The following COL9A2 variants were observed in gnomAD, a reference collection of about 807,000 sequenced individuals.
The protein encoded by COL9A2 is collagen alpha-2(IX) chain.
A neutral mutation model predicts 111.6 loss-of-function variants in COL9A2; 66 were observed. That is an observed-to-expected ratio of 0.59 (90% CI 0.48 to 0.73). The LOEUF is 0.73. Among genes scored for constraint, COL9A2 ranks in the 30% least tolerant of loss-of-function variants. The pLI, the probability that COL9A2 is intolerant of heterozygous loss-of-function variation, is 0.00. For synonymous variants in COL9A2, 353 were observed against 364.1 expected, an observed-to-expected ratio of 0.97 and a Z score of 0.35; for missense variants, 881 against 954.1, an observed-to-expected ratio of 0.92 and a Z score of 1.01.
rs1408500897 is a variant in COL9A2 at position 40,306,125 on chromosome 1, A to G, written c.1053+18T>C. ...GACTTCCTTGCTCAATTCTGTCCCC[A>G]GCTTGGGATCGCCTCACCTGGTCTC... is the stretch of plus-strand genomic sequence containing the variant. On this transcript the variant is annotated intron_variant, in intron 20 of 31. Transcript: ENST00000372748. The G allele has an allele frequency of 6.2e-6, 10 of 1,614,010 alleles. No homozygotes were observed. The highest frequency in any genetic ancestry group is 7.6e-6 in the Non-Finnish European group (9 of 1,179,942).
intron 24 of COL9A2, 36 bp downstream of exon 24, chr1:40,304,283 GC>G (rs2124052673): frequency 6.5e-7 from 1 of 1,549,702 alleles, no homozygotes; most frequent in South Asian, 1.2e-5. Flanking sequence ...CTGTTATAGG[GC>G]CCCTTTCCCA....
intron 16 of COL9A2, 60 bp from the exon 17 acceptor site, chr1:40,308,305 A>G: frequency 6.5e-7 from 1 of 1,550,230 alleles, no homozygotes; most frequent in South Asian, 1.2e-5. Context: ...CTGGCTGTGC[A>G]GAGAGGGGAA....
Position 40,311,597 on chromosome 1 carries a change from G to A in COL9A2, c.472-50C>T. On this transcript the variant is annotated intron_variant, in intron 9 of 31. Transcript: ENST00000372748. The surrounding 1 kb of genome is among the most constrained non-coding windows in gnomAD (Gnocchi z 5.1). ...CTTGGCCTGACCCTTTCCCGCCGCA[G>A]GCTTGCTCAAAGACCCTTCTCCTTC... 6.2e-7 allele frequency: 1 copy of A among 1,613,868 alleles called. No homozygotes were observed. The highest frequency in any genetic ancestry group is 8.5e-7 in the Non-Finnish European group (1 of 1,179,840).
chr1:40,303,536 G>A lies in COL9A2; in HGVS notation c.1542C>T (p.Gly514=), dbSNP rs372237097. The A allele has an allele frequency of 3.1e-6, 5 of 1,612,552 alleles. No homozygotes were observed. In the South Asian group the frequency reaches 4.4e-5, roughly 14 times the overall value. ...RGVPGQPGRQ[G]VEGRDATDQH... The stretch of plus-strand genomic sequence containing the variant: ...ACCCCGGGGCCCGACTCACCTCCAC[G>A]CCCTGTCTCCCGGGCTGTCCTGGCA... The change falls in exon 28 of 32, where the codon GGC becomes GGT. Residue 514 remains glycine (G), a synonymous_variant. Coordinates refer to ENST00000372748, the MANE Select transcript of COL9A2 (RefSeq NM_001852.4). This position sits in a 1 kb window ranked among gnomAD's most constrained non-coding sequence, Gnocchi z 4.6.
rs1644044755 is a variant in COL9A2 at position 40,307,314 on chromosome 1, C to A, written c.1008+132G>T. On this transcript the variant is annotated intron_variant, in intron 19 of 31. Transcript: ENST00000372748. The surrounding 1 kb of genome is among the most constrained non-coding windows in gnomAD (Gnocchi z 4.8). Reference sequence around the variant, plus strand: ...AATTGTCCAAGTAATGAAGCCTTCGCCAGGCCAGGGGCCACAGAGTTGGTA... The same window carrying A: ...AATTGTCCAAGTAATGAAGCCTTCGACAGGCCAGGGGCCACAGAGTTGGTA... 1 of 882,758 alleles carries A rather than the reference C, an allele frequency of 1.1e-6. No homozygotes were observed. Among genetic ancestry groups the A allele is most frequent in the African/African-American group, 1.7e-5 (1 of 59,968 alleles). 54.7% of individuals were successfully genotyped at this position (882,758 alleles called of 1,614,324 possible). A position where few individuals can be genotyped will look rare whatever the true frequency, so the allele number is the denominator to read the frequency against.
In COL9A2 at chr1:40,312,705, C is replaced by G. The variant is rs1983658; in HGVS notation, c.303+26G>C. 2.8e-4 allele frequency: 441 copies of G among 1,567,286 alleles called. 3 individuals are homozygous for G. In the Admixed American group the frequency reaches 7.9e-3, roughly 28 times the overall value. On this transcript the variant is annotated intron_variant, in intron 5 of 31. Coordinates refer to ENST00000372748, the MANE Select transcript of COL9A2 (RefSeq NM_001852.4). This position sits in a 1 kb window ranked among gnomAD's most constrained non-coding sequence, Gnocchi z 6.0. ...CCAAACGCTGGCCCTAGATTGCCCA[C>G]GCTGAGGCCCCAGCAGGCCCCTTAC...
In COL9A2 at chr1:40,312,031, C is replaced by G; in HGVS notation, c.417+28G>C. 1 of 1,591,250 alleles carries G rather than the reference C, an allele frequency of 6.3e-7. No homozygotes were observed. Among genetic ancestry groups the G allele is most frequent in the Non-Finnish European group, 8.5e-7 (1 of 1,169,940 alleles). On this transcript the variant is annotated intron_variant, in intron 8 of 31. Coordinates refer to ENST00000372748, the MANE Select transcript of COL9A2 (RefSeq NM_001852.4). The surrounding 1 kb of genome is among the most constrained non-coding windows in gnomAD (Gnocchi z 6.0). The stretch of plus-strand genomic sequence containing the variant: ...CAGCTTGGAGATAGAAGGCAGGAGG[C>G]AGTGAACAGAGGGTGGCTGAGGCTC...
At chr1:40,306,364 G>A (rs1325579577) in intron 19 of COL9A2, among the ~76,000 whole-genome samples, 177 bp from the exon 20 acceptor site, 4 of 152,208 alleles carry the variant, frequency 2.6e-5, no homozygotes, top group African/African-American at 9.7e-5. Context: ...GCAGAGGAGT[G>A]GGGCACAGAG....
intron 16 of COL9A2, 134 bp from the exon 17 acceptor site, chr1:40,308,379 C>T: frequency 1.1e-6 from 1 of 915,554 alleles, no homozygotes; most frequent in Non-Finnish European, 1.7e-6. Flanking sequence ...CATGCAGGGG[C>T]CGGAGGAGAG....
At chr1:40,313,555 G>A (rs945360170) in intron 4 of COL9A2, among the ~76,000 whole-genome samples, 1 of 152,204 alleles carries the variant, frequency 6.6e-6, no homozygotes, top group African/African-American at 2.4e-5. Flanking sequence ...AAGGCAATAT[G>A]CCTTGTAATC....
At position 40,308,213 on chromosome 1, in the gene COL9A2, G is replaced by A. The variant is rs371503621; in HGVS notation, c.879C>T (p.Ile293=). ...CTACCGTTGCTCCTTTCGGGCCTGT[G>A]ATCCCCTGGGGTCCACGAATACCTG... ...GSPGIRGPQG[I]TGPKGATGPP... is the part of the protein sequence containing the mutation. Residue 293 remains isoleucine (I), a synonymous_variant, in exon 17 of 32, where the codon ATC becomes ATT. Coordinates refer to ENST00000372748, the MANE Select transcript of COL9A2 (RefSeq NM_001852.4). 2 of 1,614,160 alleles carry A rather than the reference G, an allele frequency of 1.2e-6. No individual in the cohort carries two copies. Among genetic ancestry groups the A allele is most frequent in the Admixed American group, 1.7e-5 (1 of 60,016 alleles).
rs1297175971 is a variant in COL9A2 at position 40,303,957 on chromosome 1, C to T, written c.1339G>A (p.Ala447Thr). The T allele has an allele frequency of 6.4e-7, 1 of 1,562,730 alleles. No individual in the cohort carries two copies. The highest frequency in any genetic ancestry group is 2.4e-5 in the East Asian group (1 of 42,220). Residue 447 changes from alanine to threonine, a missense_variant, in exon 26 of 32, where the codon GCC becomes ACC. Transcript: ENST00000372748. The surrounding 1 kb of genome is among the most constrained non-coding windows in gnomAD (Gnocchi z 4.6). ...TCGCCTTTCTCTCCGGGGAGGCCGG[C>T]CACCCCTGGGTCACCCTGCAGAGAG... is the stretch of plus-strand genomic sequence containing the variant. The part of the protein sequence containing the change: ...PRGKVGDPGV[A>T]GLPGEKGEKG...
At chr1:40,305,066 T>C (rs1003141846) in intron 21 of COL9A2, 22 of 361,626 alleles carry the variant, frequency 6.1e-5, no homozygotes, top group Non-Finnish European at 7.8e-5. Context: ...TCTTTCTTTT[T>C]TTTTTTTTTT....
chr1:40,309,874 G>T (rs564927613), intron 16 of COL9A2, 64 bp downstream of exon 16: 1 of 1,529,916 alleles, frequency 6.5e-7, no homozygotes, highest in African/African-American at 1.4e-5. Context: ...GCCTTAGGGG[G>T]TGCCTTGTCC....
intron 31 of COL9A2, 125 bp from the exon 32 acceptor site, chr1:40,301,506 C>T (rs1408493315): frequency 1.2e-5 from 10 of 807,462 alleles, no homozygotes; most frequent in Non-Finnish European, 1.8e-5. Flanking sequence ...AGGACTCTGC[C>T]CCAGAGGCAG....
Position 40,303,966 on chromosome 1 carries a change from G to C in COL9A2, c.1330C>G (p.Pro444Ala). 1 of 1,565,174 alleles carries C rather than the reference G, an allele frequency of 6.4e-7. No homozygotes were observed. Among genetic ancestry groups the C allele is most frequent in the South Asian group, 1.2e-5 (1 of 85,160 alleles). ...KTGPRGKVGD[P>A]GVAGLPGEKG... Reference sequence around the variant, plus strand: ...TCTCCGGGGAGGCCGGCCACCCCTGGGTCACCCTGCAGAGAGAACCACGGG... The same window carrying C: ...TCTCCGGGGAGGCCGGCCACCCCTGCGTCACCCTGCAGAGAGAACCACGGG... The change falls in exon 26 of 32, where the codon CCA (proline) becomes GCA (alanine). Residue 444 changes from proline to alanine, a missense_variant. Physicochemically the swap from Pro to Ala is conservative, Grantham distance 27. Transcript: ENST00000372748. The surrounding 1 kb of genome is among the most constrained non-coding windows in gnomAD (Gnocchi z 4.6).
At position 40,301,369 on chromosome 1, in the gene COL9A2, C is replaced by T. The variant is rs201000437; in HGVS notation, c.1883G>A (p.Arg628Gln). 413 of 1,608,130 alleles carry T rather than the reference C, an allele frequency of 2.6e-4. 1 individual carries two copies. Among genetic ancestry groups the T allele is most frequent in the Non-Finnish European group, 3.1e-5 (37 of 1,176,314 alleles). The stretch of plus-strand genomic sequence containing the variant: ...CTTGCCGTTGATTGCCTGGCCAGGC[C>T]GGCCAGGGAGTCCTGTGAACAGGAG... ...GPPGIPGLPGRPGQAINGKDG... is the reference protein window; with the variant it reads ...GPPGIPGLPGQPGQAINGKDG... Residue 628 changes from arginine (R) to glutamine (Q), a missense_variant, in exon 32 of 32, where the codon CGG (arginine) becomes CAG (glutamine). Physicochemically the swap from Arg to Gln is conservative, Grantham distance 43 (BLOSUM62 1). Coordinates refer to ENST00000372748, the MANE Select transcript of COL9A2 (RefSeq NM_001852.4).
chr1:40,304,750 GC>G (rs1182175290), intron 22 of COL9A2, 43 bp downstream of exon 22: 6 of 1,523,722 alleles, frequency 3.9e-6, no homozygotes, highest in Non-Finnish European at 5.3e-6. Flanking sequence ...AGTGCCAGCT[GC>G]CGCAGAGGCC....
At chr1:40,315,558 C>T (rs942414221) in intron 2 of COL9A2, 32 bp downstream of exon 2, 3 of 1,547,170 alleles carry the variant, frequency 1.9e-6, no homozygotes, top group Middle Eastern at 3.3e-4. Flanking sequence ...CTGCCGCCTC[C>T]CTCCCGCCCT....
Sources: gnomAD v4.1 joint callset for allele counts (sites outside exome capture counted in the v4.1 genomes callset) on GRCh38, gnomAD v4.1.1 for gene constraint, Gnocchi (gnomAD v3.1) non-coding constraint, MANE v1.5 for transcripts, NCBI Gene and HGNC (gene_info 2026-07-23, HGNC 2026-07-21) for gene names.